The following SNCB variants were observed in gnomAD, a reference collection of about 807,000 sequenced individuals.
SNCB encodes beta-synuclein.
SNCB carries 8 observed loss-of-function variants against 20.0 expected under a neutral mutation model. The observed-to-expected ratio is 0.40, with a 90% CI of 0.24 to 0.72. SNCB has a LOEUF of 0.72. Ranked by LOEUF, SNCB falls within the 30% of genes least tolerant of loss-of-function variation. The pLI, the probability that SNCB is intolerant of heterozygous loss-of-function variation, is 0.37. For synonymous variants in SNCB, 56 were observed against 65.4 expected (o/e 0.86, Z 0.69); for missense variants, 125 against 168.0 (o/e 0.74, Z 1.41).
rs374654130 is a variant in SNCB at position 176,621,352 on chromosome 5, C to G, written c.283-49G>C. 6.7e-7 allele frequency: 1 copy of G among 1,487,694 alleles called. No individual in the cohort carries two copies. The highest frequency in any genetic ancestry group is 9.3e-7 in the Non-Finnish European group (1 of 1,076,048). The allele number at this position is 1,487,694 out of a possible 1,614,324, so 92.2% of individuals were successfully genotyped here. ...TCGTGAGGACAGCCAGGATGCCCCC[C>G]AAATTCCCACAGTGGTAAGCTTTGG... is the stretch of plus-strand genomic sequence containing the variant. On this transcript the variant is annotated intron_variant, in intron 4 of 5. Transcript: ENST00000393693. This position sits in a 1 kb window ranked among gnomAD's most constrained non-coding sequence, Gnocchi z 4.1.
chr5:176,624,811 A>C (rs1759833384), intron 4 of SNCB, among the ~76,000 whole-genome samples: 1 of 151,190 alleles, frequency 6.6e-6, no homozygotes, highest in Non-Finnish European at 1.5e-5. Context: ...TCAAAAAAAA[A>C]AAAAAACAAA....
At chr5:176,628,151 G>C (rs1299903507) in intron 2 of SNCB, among the ~76,000 whole-genome samples, 1 of 152,168 alleles carries the variant, frequency 6.6e-6, no homozygotes, top group African/African-American at 2.4e-5. Flanking sequence ...GTAGGAACTG[G>C]GGTCCATCAG....
chr5:176,628,220 C>T (rs1760096238), intron 2 of SNCB, among the ~76,000 whole-genome samples: 1 of 152,190 alleles, frequency 6.6e-6, no homozygotes, highest in East Asian at 1.9e-4. Context: ...AGCAGCATGG[C>T]TTGGAGGGGC....
chr5:176,621,732 G>A lies in SNCB; in HGVS notation c.283-429C>T, dbSNP rs184547954. On this transcript the variant is annotated intron_variant, in intron 4 of 5. Transcript: ENST00000393693. This position sits in a 1 kb window ranked among gnomAD's most constrained non-coding sequence, Gnocchi z 4.1. ...GGCAGGGGCTCTGAGCCATTCCCCC[G>A]CCACCTTCCACTCATCCCTCCCCCG... is the stretch of plus-strand genomic sequence containing the variant. Among the ~76,000 whole-genome samples, 31 of 152,292 alleles carry A rather than the reference G, an allele frequency of 2.0e-4. No individual in the cohort carries two copies. Among genetic ancestry groups the A allele is most frequent in the African/African-American group, 3.6e-4 (15 of 41,570 alleles).
In SNCB at chr5:176,621,159, C is replaced by T. The variant is rs530523449; in HGVS notation, c.372+55G>A. 1.5e-5 allele frequency: 21 copies of T among 1,383,236 alleles called. No individual in the cohort carries two copies. Among genetic ancestry groups the T allele is most frequent in the Middle Eastern group, 1.8e-4 (1 of 5,414 alleles). 85.7% of individuals were successfully genotyped at this position (1,383,236 alleles called of 1,614,324 possible). Reference sequence around the variant, plus strand: ...AGGGATGTCCCACCCCAGCTAGGGACGGCAGCAATCATCCTGGATTCCCAA... The same window carrying T: ...AGGGATGTCCCACCCCAGCTAGGGATGGCAGCAATCATCCTGGATTCCCAA... On this transcript the variant is annotated intron_variant, in intron 5 of 5. Transcript: ENST00000393693. The surrounding 1 kb of genome is among the most constrained non-coding windows in gnomAD (Gnocchi z 4.1).
rs890476709 is a variant in SNCB, at chr5:176,620,642, G to A, written c.*169C>T. On this transcript the variant is annotated 3_prime_UTR_variant, in exon 6 of 6. Transcript: ENST00000393693. The surrounding 1 kb of genome is among the most constrained non-coding windows in gnomAD (Gnocchi z 4.5). Reference sequence around the variant, plus strand: ...ATGCCCCGGGGTTGGACGCGGGCGGGTAGGACAGACAGATGGACAGACACT... The same window carrying A: ...ATGCCCCGGGGTTGGACGCGGGCGGATAGGACAGACAGATGGACAGACACT... The A allele has an allele frequency of 1.5e-5, 10 of 660,892 alleles. No homozygotes were observed. Among genetic ancestry groups the A allele is most frequent in the Non-Finnish European group, 8.2e-6 (3 of 366,270 alleles). The allele number at this position is 660,892 out of a possible 1,614,324, so 40.9% of individuals were successfully genotyped here. A position where few individuals can be genotyped will look rare whatever the true frequency, so the allele number is the denominator to read the frequency against.
chr5:176,630,361 G>T lies in SNCB; in HGVS notation c.-91C>A, dbSNP rs1467166617. On this transcript the variant is annotated 5_prime_UTR_variant, in exon 1 of 6. Coordinates refer to ENST00000393693, the MANE Select transcript of SNCB (RefSeq NM_003085.5). The stretch of plus-strand genomic sequence containing the variant: ...GGCTCCGCTAGGCCAGGCCGGGGTG[G>T]ACCAGGGGCCGGAGGGGGGATAGGG... 2 of 152,730 alleles carry T rather than the reference G, an allele frequency of 1.3e-5. No homozygotes were observed. Among genetic ancestry groups the T allele is most frequent in the South Asian group, 2.0e-4 (1 of 4,956 alleles). The allele number at this position is 152,730 out of a possible 1,614,324, so 9.5% of individuals were successfully genotyped here.
rs1759510524 is a variant in SNCB at position 176,620,499 on chromosome 5, G to C, written c.*312C>G. 3 of 399,314 alleles carry C rather than the reference G, an allele frequency of 7.5e-6. No homozygotes were observed. Among genetic ancestry groups the C allele is most frequent in the South Asian group, 1.1e-4 (2 of 18,534 alleles). 24.7% of individuals were successfully genotyped at this position (399,314 alleles called of 1,614,324 possible). A position where few individuals can be genotyped will look rare whatever the true frequency, so the allele number is the denominator to read the frequency against. On this transcript the variant is annotated 3_prime_UTR_variant, in exon 6 of 6. Transcript: ENST00000393693. This position sits in a 1 kb window ranked among gnomAD's most constrained non-coding sequence, Gnocchi z 4.5. ...TGTCGGGGATCGGGGAGGAGCCGTCGCTCGGATCTTCGTTTAAAAACACAT... is the reference window on the plus strand; with the variant it reads ...TGTCGGGGATCGGGGAGGAGCCGTCCCTCGGATCTTCGTTTAAAAACACAT...
At position 176,620,404 on chromosome 5, in the gene SNCB, AAG is replaced by A; in HGVS notation, c.*405_*406del. The A allele has an allele frequency of 4.9e-6, 1 of 205,494 alleles. No homozygotes were observed. The highest frequency in any genetic ancestry group is 5.4e-5 in the Admixed American group (1 of 18,650). The allele number at this position is 205,494 out of a possible 1,614,324, so 12.7% of individuals were successfully genotyped here. A position where few individuals can be genotyped will look rare whatever the true frequency, so the allele number is the denominator to read the frequency against. ...GCTCCTGGTTTTGGTTAAAAAAAAA[AAG>A]GTTCTCGAGGTTAATGGGAGTCGGG... On this transcript the variant is annotated 3_prime_UTR_variant, in exon 6 of 6. Coordinates refer to ENST00000393693, the MANE Select transcript of SNCB (RefSeq NM_003085.5). The surrounding 1 kb of genome is among the most constrained non-coding windows in gnomAD (Gnocchi z 4.5).
rs1759587705 is a variant in SNCB, at chr5:176,621,406, G to A, written c.283-103C>T. The stretch of plus-strand genomic sequence containing the variant: ...GGTTGGAGTGGGGAAGGCTAGGGTG[G>A]GTTGGCAGAGCAAGGATAATTTCTA... On this transcript the variant is annotated intron_variant, in intron 4 of 5. Transcript: ENST00000393693. This position sits in a 1 kb window ranked among gnomAD's most constrained non-coding sequence, Gnocchi z 4.1. 1.1e-6 allele frequency: 1 copy of A among 873,892 alleles called. No homozygotes were observed. Among genetic ancestry groups the A allele is most frequent in the Admixed American group, 2.0e-5 (1 of 50,256 alleles). The allele number at this position is 873,892 out of a possible 1,614,324, so 54.1% of individuals were successfully genotyped here.
chr5:176,627,211 C>G (rs1335331117), intron 2 of SNCB, among the ~76,000 whole-genome samples: 2 of 152,138 alleles, frequency 1.3e-5, no homozygotes, highest in Non-Finnish European at 2.9e-5. Flanking sequence ...TCTCACAGCA[C>G]GTAGCCCAGG....
chr5:176,622,489 C>CAACAAAACAAAACAA (rs59319062), intron 4 of SNCB, among the ~76,000 whole-genome samples: 2,318 of 149,568 alleles, frequency 0.015, 24 homozygotes, highest in Middle Eastern at 0.044. Flanking sequence ...GACTCCATCT[C>CAACAAAACAAAACAA]AACAAAACAA....
chr5:176,620,484 CG>C lies in SNCB; in HGVS notation c.*326del. 2.6e-6 allele frequency: 1 copy of C among 379,550 alleles called. No individual in the cohort carries two copies. The highest frequency in any genetic ancestry group is 4.8e-6 in the Non-Finnish European group (1 of 208,490). 23.5% of individuals were successfully genotyped at this position (379,550 alleles called of 1,614,324 possible). A position where few individuals can be genotyped will look rare whatever the true frequency, so the allele number is the denominator to read the frequency against. The stretch of plus-strand genomic sequence containing the variant: ...CGCTTGGAGAGCCACTGTCGGGGAT[CG>C]GGGAGGAGCCGTCGCTCGGATCTTC... On this transcript the variant is annotated 3_prime_UTR_variant, in exon 6 of 6. Transcript: ENST00000393693. The surrounding 1 kb of genome is among the most constrained non-coding windows in gnomAD (Gnocchi z 4.5).
chr5:176,629,611 A>G lies in SNCB; in HGVS notation c.44T>C (p.Val15Ala), dbSNP rs1483789145. ...MKGLSMAKEG[V>A]VAAAEKTKQG... ...CTTGGTTTTCTCCGCGGCTGCCACA[A>G]CGCCCTCCTTGGCCATGGACAGGCC... The change falls in exon 2 of 6, where the codon GTT becomes GCT. Residue 15 changes from valine (V) to alanine (A), a missense_variant. Coordinates refer to ENST00000393693, the MANE Select transcript of SNCB (RefSeq NM_003085.5). This position sits in a 1 kb window ranked among gnomAD's most constrained non-coding sequence, Gnocchi z 4.1. 1.2e-6 allele frequency: 2 copies of G among 1,613,526 alleles called. No homozygotes were observed. The highest frequency in any genetic ancestry group is 2.2e-5 in the South Asian group (2 of 91,002).
intron 2 of SNCB, among the ~76,000 whole-genome samples, chr5:176,628,062 G>T (rs998863512): frequency 2.0e-5 from 3 of 152,188 alleles, no homozygotes; most frequent in African/African-American, 7.2e-5. Flanking sequence ...GGAGCCATGG[G>T]TGTGGTGGGA....
At chr5:176,624,802 C>CAA (rs1282224621) in intron 4 of SNCB, among the ~76,000 whole-genome samples, 879 of 49,122 alleles carry the variant, frequency 0.018, 37 homozygotes, top group East Asian at 0.054. Context: ...AACTCCGTCT[C>CAA]AAAAAAAAAA....
chr5:176,623,043 A>G (rs1401144694), intron 4 of SNCB, among the ~76,000 whole-genome samples: 1 of 151,606 alleles, frequency 6.6e-6, no homozygotes, highest in Non-Finnish European at 1.5e-5. Context: ...TCATGATAAC[A>G]TTTACAAGAA....
Position 176,629,753 on chromosome 5 carries a change from G to C in SNCB, c.-9-90C>G, listed in dbSNP as rs1760239664. The C allele has an allele frequency of 1.3e-6, 2 of 1,502,746 alleles. No individual in the cohort carries two copies. Among genetic ancestry groups the C allele is most frequent in the African/African-American group, 1.4e-5 (1 of 72,752 alleles). 93.1% of individuals were successfully genotyped at this position (1,502,746 alleles called of 1,614,324 possible). On this transcript the variant is annotated intron_variant, in intron 1 of 5. Coordinates refer to ENST00000393693, the MANE Select transcript of SNCB (RefSeq NM_003085.5). This position sits in a 1 kb window ranked among gnomAD's most constrained non-coding sequence, Gnocchi z 4.1. The stretch of plus-strand genomic sequence containing the variant: ...GGGACGCAGATGCCCCCCTACTCCC[G>C]AGACCGCGGCGCCCTTCTGGACCCT...
rs1040954487 is a variant in SNCB, at chr5:176,626,854, C to G, written c.122-93G>C. The stretch of plus-strand genomic sequence containing the variant: ...GGTGATTACAGAGTGGGCATCCTGG[C>G]CCCGTCACTGCCTCCTTGGGTCCCC... On this transcript the variant is annotated intron_variant, in intron 2 of 5. Transcript: ENST00000393693. The surrounding 1 kb of genome is among the most constrained non-coding windows in gnomAD (Gnocchi z 4.2). The G allele has an allele frequency of 2.4e-5, 33 of 1,359,078 alleles. No individual in the cohort carries two copies. Among genetic ancestry groups the G allele is most frequent in the Non-Finnish European group, 3.3e-5 (31 of 949,382 alleles). The allele number at this position is 1,359,078 out of a possible 1,614,324, so 84.2% of individuals were successfully genotyped here. A position where few individuals can be genotyped will look rare whatever the true frequency, so the allele number is the denominator to read the frequency against.
Sources: gnomAD v4.1 joint callset for allele counts (sites outside exome capture counted in the v4.1 genomes callset) on GRCh38, gnomAD v4.1.1 for gene constraint, Gnocchi (gnomAD v3.1) non-coding constraint, MANE v1.5 for transcripts, NCBI Gene and HGNC (gene_info 2026-07-23, HGNC 2026-07-21) for gene names.